The following MTHFD1L variants were observed in gnomAD, a reference collection of about 807,000 sequenced individuals.
The protein encoded by MTHFD1L is monofunctional C1-tetrahydrofolate synthase, mitochondrial.
A neutral mutation model predicts 119.5 loss-of-function variants in MTHFD1L; 81 were observed. The observed-to-expected ratio is 0.68, with a 90% CI of 0.57 to 0.82. The LOEUF (loss-of-function observed/expected upper bound fraction) is 0.82, where lower values mean the gene tolerates loss of function less well. Among genes scored for constraint, MTHFD1L ranks in the 40% least tolerant of loss-of-function variants. MTHFD1L has a pLI of 0.00. For synonymous variants in MTHFD1L, 430 were observed against 475.2 expected (o/e 0.90, Z 1.24); for missense variants, 1,125 against 1,253.4 (o/e 0.90, Z 1.55).
At chr6:150,979,959 C>T (rs1053754811) in intron 20 of MTHFD1L, among the ~76,000 whole-genome samples, 1 of 151,628 alleles carries the variant, frequency 6.6e-6, no homozygotes, top group Non-Finnish European at 1.5e-5. Context: ...TAAACATTCT[C>T]ATGATTTCAT....
At chr6:150,901,109 G>A (rs1415461749) in intron 7 of MTHFD1L, among the ~76,000 whole-genome samples, 1 of 152,080 alleles carries the variant, frequency 6.6e-6, no homozygotes, top group Non-Finnish European at 1.5e-5. Context: ...ACTCTTTATA[G>A]AAACTTTGCC....
chr6:150,898,714 T>G, intron 7 of MTHFD1L: 1 of 251,594 alleles, frequency 4.0e-6, no homozygotes. Context: ...GGTATTTTGG[T>G]TCTAAGTCTT....
At chr6:151,059,486 G>A (rs890505629) in intron 26 of MTHFD1L, among the ~76,000 whole-genome samples, 1 of 152,122 alleles carries the variant, frequency 6.6e-6, no homozygotes, top group Admixed American at 6.5e-5. Flanking sequence ...CATGATTGTT[G>A]TTTTTATAAA....
intron 8 of MTHFD1L, among the ~76,000 whole-genome samples, chr6:150,917,938 C>T (rs1265200619): frequency 2.0e-5 from 3 of 152,000 alleles, no homozygotes; most frequent in Non-Finnish European, 2.9e-5. Context: ...TACTTGGGCT[C>T]GTGTGAAGAG....
intron 26 of MTHFD1L, among the ~76,000 whole-genome samples, chr6:151,075,560 A>G (rs552543148): frequency 1.3e-5 from 2 of 152,328 alleles, no homozygotes; most frequent in East Asian, 3.9e-4. Flanking sequence ...AATTTTTTAA[A>G]CCCCTCTCAG....
chr6:151,040,391 T>A (rs1284770366), intron 26 of MTHFD1L, among the ~76,000 whole-genome samples: 1 of 152,152 alleles, frequency 6.6e-6, no homozygotes, highest in Non-Finnish European at 1.5e-5. Flanking sequence ...AAACCTTAAT[T>A]CACTACTGAG....
At chr6:150,993,220 A>C (rs941092180) in intron 20 of MTHFD1L, among the ~76,000 whole-genome samples, 7 of 152,248 alleles carry the variant, frequency 4.6e-5, no homozygotes, top group Admixed American at 2.0e-4. Flanking sequence ...ATTTTAAACA[A>C]GTATGAAAAT....
intron 27 of MTHFD1L, among the ~76,000 whole-genome samples, chr6:151,095,737 A>G (rs146628633): frequency 0.012 from 1,850 of 152,348 alleles, 15 homozygotes; most frequent in Non-Finnish European, 0.019. Flanking sequence ...GTGTTGTCCC[A>G]TAAGGGCCAC....
chr6:151,089,729 T>TA (rs1234670341), intron 26 of MTHFD1L, among the ~76,000 whole-genome samples: 1 of 152,264 alleles, frequency 6.6e-6, no homozygotes, highest in Admixed American at 6.5e-5. Flanking sequence ...GTCCACCAGT[T>TA]ACCCTTGTGT....
intron 24 of MTHFD1L, among the ~76,000 whole-genome samples, chr6:151,030,326 G>T (rs922302823): frequency 6.6e-6 from 1 of 152,182 alleles, no homozygotes; most frequent in Admixed American, 6.5e-5. Flanking sequence ...GTAGGTGCAG[G>T]CCAGAGACTG....
Position 150,905,781 on chromosome 6 carries a change from T to C in MTHFD1L, c.892+20T>C. ...TGTCAGGTAAATGTCTTCACATTGG[T>C]GTTGAGCCACTGATTAGGTCAGATA... On this transcript the variant is annotated intron_variant, in intron 8 of 27. Coordinates refer to ENST00000367321, the MANE Select transcript of MTHFD1L (RefSeq NM_015440.5). The C allele has an allele frequency of 6.4e-7, 1 of 1,557,386 alleles. No individual in the cohort carries two copies. The highest frequency in any genetic ancestry group is 8.9e-7 in the Non-Finnish European group (1 of 1,128,174).
rs574962136 is a variant in MTHFD1L, at chr6:150,928,846, T to C, written c.1256+2551T>C. On this transcript the variant is annotated intron_variant, in intron 11 of 27. Transcript: ENST00000367321. ...GGTGTGAGCCATCATGCCCAGCTTC[T>C]GTAGCTTTTTTGTAAGAGGGACAGA... is the stretch of plus-strand genomic sequence containing the variant. Among the ~76,000 whole-genome samples, 90 of 152,238 alleles carry C rather than the reference T, an allele frequency of 5.9e-4. 1 individual carries two copies. The highest frequency in any genetic ancestry group is 3.7e-3 in the South Asian group (18 of 4,830).
chr6:150,991,080 C>T (rs502328), intron 20 of MTHFD1L, among the ~76,000 whole-genome samples: 80,799 of 151,376 alleles, frequency 0.53, 22,720 homozygotes, highest in African/African-American at 0.7. Context: ...TGCTCTTGAA[C>T]TCGTGACCTC....
At chr6:150,892,630 C>T (rs2128796743) in intron 7 of MTHFD1L, among the ~76,000 whole-genome samples, 1 of 152,318 alleles carries the variant, frequency 6.6e-6, no homozygotes, top group South Asian at 2.1e-4. Context: ...TACTTGTCCC[C>T]CTCTACCTGG....
chr6:151,091,558 CTA>C (rs1794452283), intron 26 of MTHFD1L, among the ~76,000 whole-genome samples: 2 of 152,140 alleles, frequency 1.3e-5, no homozygotes, highest in Admixed American at 6.5e-5. Context: ...GTCTCCACCA[CTA>C]ACTAGCCATG....
intron 21 of MTHFD1L, among the ~76,000 whole-genome samples, chr6:151,013,209 G>A (rs1299029286): frequency 1.3e-5 from 2 of 151,992 alleles, no homozygotes; most frequent in African/African-American, 2.4e-5. Context: ...GCAAGACCTC[G>A]TCTCTACAAA....
chr6:150,934,746 T>C (rs1044918969), intron 11 of MTHFD1L, among the ~76,000 whole-genome samples: 1 of 152,228 alleles, frequency 6.6e-6, no homozygotes, highest in Non-Finnish European at 1.5e-5. Context: ...AAGACCAAAC[T>C]GTAAACCCTA....
rs935653849 is a variant in MTHFD1L at position 151,081,544 on chromosome 6, C to T, written c.2848-10923C>T. 6.6e-5 allele frequency among the ~76,000 whole-genome samples: 10 copies of T among 150,412 alleles called. No homozygotes were observed. The East Asian group carries it at 7.8e-4, about 12-fold the overall frequency. The stretch of plus-strand genomic sequence containing the variant: ...AAAAATAGCCAGGCATGGTGGCACA[C>T]GCCAGTAATCCCAGCTACTTGGGAG... On this transcript the variant is annotated intron_variant, in intron 26 of 27. Transcript: ENST00000367321.
chr6:150,928,224 A>G (rs1338295418), intron 11 of MTHFD1L, among the ~76,000 whole-genome samples: 1 of 151,992 alleles, frequency 6.6e-6, no homozygotes, highest in Non-Finnish European at 1.5e-5. Context: ...TCACAAGGTC[A>G]GGAGATCGAG....
Sources: allele counts gnomAD v4.1 joint callset (sites outside exome capture counted in the v4.1 genomes callset), GRCh38; gene constraint gnomAD v4.1.1; transcripts MANE v1.5; gene names NCBI Gene and HGNC (gene_info 2026-07-23, HGNC 2026-07-21).